The following HS3ST4 variants were observed in gnomAD, a reference collection of about 807,000 sequenced individuals.
The protein encoded by HS3ST4 is heparan sulfate-glucosamine 3-sulfotransferase 4.
Under a neutral mutation model 29.2 loss-of-function variants are expected in HS3ST4, and 17 were observed. The ratio of observed to expected loss-of-function variants is 0.58; its 90% CI spans 0.40 to 0.87. HS3ST4 has a LOEUF of 0.87. Ranked by LOEUF, HS3ST4 falls within the 40% of genes least tolerant of loss-of-function variation. The probability of loss-of-function intolerance (pLI) is 0.00; values close to 1 mark genes in which losing one functional copy is unlikely to be tolerated. For synonymous variants in HS3ST4, 314 were observed against 285.7 expected, an observed-to-expected ratio of 1.10 and a Z score of -1.00; for missense variants, 627 against 634.5, an observed-to-expected ratio of 0.99 and a Z score of 0.13.
intron 1 of HS3ST4, among the ~76,000 whole-genome samples, chr16:26,093,143 A>C (rs4474687): frequency 0.54 from 82,207 of 152,086 alleles, 22,965 homozygotes; most frequent in African/African-American, 0.67. Context: ...CCTCTGGACT[A>C]CACCTCTGTG....
rs1376985798 is a variant in HS3ST4 at position 25,994,067 on chromosome 16, A to T, written c.735-141545A>T. Among the ~76,000 whole-genome samples the T allele has an allele frequency of 8.0e-5, 12 of 150,610 alleles. 1 individual carries two copies. The Admixed American group carries it at 8.0e-4, about 10-fold the overall frequency. ...CCCTTCTTAGAAGAACACTTATCCCATCATGGGTAACCATCCCTCATGACC... is the reference window on the plus strand; with the variant it reads ...CCCTTCTTAGAAGAACACTTATCCCTTCATGGGTAACCATCCCTCATGACC... On this transcript the variant is annotated intron_variant, in intron 1 of 1. Transcript: ENST00000331351.
chr16:26,045,108 A>G (rs1054260668), intron 1 of HS3ST4, among the ~76,000 whole-genome samples: 30 of 152,162 alleles, frequency 2.0e-4, no homozygotes, highest in African/African-American at 7.2e-4. Context: ...ACAACTAGAG[A>G]GCCTGACATA....
intron 1 of HS3ST4, among the ~76,000 whole-genome samples, chr16:26,045,054 G>T (rs755060291): frequency 3.3e-5 from 5 of 152,136 alleles, no homozygotes; most frequent in Admixed American, 6.5e-5. Context: ...TGTGTAATTT[G>T]TATATCAACC....
intron 1 of HS3ST4, among the ~76,000 whole-genome samples, chr16:25,779,686 C>G (rs1341669887): frequency 1.3e-5 from 2 of 152,226 alleles, no homozygotes; most frequent in Non-Finnish European, 2.9e-5. Flanking sequence ...AGCAGGCACA[C>G]TTAAATCCTG....
At chr16:26,031,704 G>GGT (rs1567297830) in intron 1 of HS3ST4, among the ~76,000 whole-genome samples, 1 of 141,904 alleles carries the variant, frequency 7.0e-6, no homozygotes, top group Non-Finnish European at 1.5e-5. Flanking sequence ...ATGGAGGCGT[G>GGT]TTTTTTTTTT....
chr16:26,124,100 A>G (rs1051870555), intron 1 of HS3ST4, among the ~76,000 whole-genome samples: 2 of 152,058 alleles, frequency 1.3e-5, no homozygotes, highest in Non-Finnish European at 2.9e-5. Context: ...TTGTATTTTT[A>G]GTAGAGACGG....
At chr16:26,084,173 T>C (rs975762760) in intron 1 of HS3ST4, among the ~76,000 whole-genome samples, 5 of 152,192 alleles carry the variant, frequency 3.3e-5, no homozygotes, top group African/African-American at 4.8e-5. Context: ...CAGTCTCTCC[T>C]GAGCATTTCC....
At chr16:26,071,232 T>G (rs1400377597) in intron 1 of HS3ST4, among the ~76,000 whole-genome samples, 3 of 152,086 alleles carry the variant, frequency 2.0e-5, no homozygotes, top group Non-Finnish European at 2.9e-5. Flanking sequence ...GAACCCACTA[T>G]GAAAACATCC....
chr16:26,006,545 A>C (rs149739078), intron 1 of HS3ST4, among the ~76,000 whole-genome samples: 2 of 152,238 alleles, frequency 1.3e-5, no homozygotes, highest in Non-Finnish European at 2.9e-5. Flanking sequence ...CTATTATTCA[A>C]ATAAGCCTTC....
chr16:25,806,234 G>A (rs1263224424), intron 1 of HS3ST4, among the ~76,000 whole-genome samples: 2 of 152,142 alleles, frequency 1.3e-5, no homozygotes, highest in Non-Finnish European at 2.9e-5. Context: ...TAAGTAGATG[G>A]CACTCTTTTG....
At chr16:25,987,305 C>G (rs542432011) in intron 1 of HS3ST4, among the ~76,000 whole-genome samples, 1 of 151,538 alleles carries the variant, frequency 6.6e-6, no homozygotes, top group African/African-American at 2.4e-5. Flanking sequence ...GCTGAGATCA[C>G]GCCATTGCAG....
chr16:26,108,070 A>T (rs1899080263), intron 1 of HS3ST4, among the ~76,000 whole-genome samples: 1 of 152,172 alleles, frequency 6.6e-6, no homozygotes. Context: ...TCACATCAGC[A>T]GTGTATAAGC....
chr16:26,134,362 C>CTTTTTTTTTTTTT (rs60068546), intron 1 of HS3ST4, among the ~76,000 whole-genome samples: 2 of 76,810 alleles, frequency 2.6e-5, no homozygotes, highest in African/African-American at 4.7e-5. Context: ...CTTTTCTTTT[C>CTTTTTTTTTTTTT]TTTTTTTTTT....
chr16:26,056,046 G>C (rs199553288), intron 1 of HS3ST4, among the ~76,000 whole-genome samples: 5 of 11,180 alleles, frequency 4.5e-4, no homozygotes, highest in African/African-American at 1.9e-3. Context: ...GAGACAGAGA[G>C]AGAGAGAGAG....
chr16:25,747,512 C>A (rs1412969990), intron 1 of HS3ST4, among the ~76,000 whole-genome samples: 1 of 152,246 alleles, frequency 6.6e-6, no homozygotes, highest in Non-Finnish European at 1.5e-5. Flanking sequence ...GTAACAGCTA[C>A]CCTCACTGGC....
chr16:25,826,662 A>G (rs556703016), intron 1 of HS3ST4, among the ~76,000 whole-genome samples: 50 of 152,284 alleles, frequency 3.3e-4, no homozygotes, highest in African/African-American at 1.1e-3. Context: ...AAAAAGGAAG[A>G]TAGTCTAGGA....
intron 1 of HS3ST4, among the ~76,000 whole-genome samples, chr16:25,940,907 A>G (rs1039846153): frequency 3.3e-5 from 5 of 152,132 alleles, no homozygotes; most frequent in African/African-American, 1.2e-4. Flanking sequence ...GGAAAATCCA[A>G]CCAATGGTTT....
intron 1 of HS3ST4, among the ~76,000 whole-genome samples, chr16:26,041,908 C>T (rs534482283): frequency 8.5e-5 from 13 of 152,248 alleles, no homozygotes; most frequent in South Asian, 4.1e-4. Flanking sequence ...AATCCTTGCC[C>T]GATCTCGGGA....
At chr16:25,920,604 C>G (rs996686263) in intron 1 of HS3ST4, among the ~76,000 whole-genome samples, 3 of 149,992 alleles carry the variant, frequency 2.0e-5, no homozygotes, top group African/African-American at 7.4e-5. Flanking sequence ...CCGCCCCCAC[C>G]CCTCTTTTTT....
Sources: allele counts gnomAD v4.1 joint callset (sites outside exome capture counted in the v4.1 genomes callset), GRCh38; gene constraint gnomAD v4.1.1; transcripts MANE v1.5; gene names NCBI Gene and HGNC (gene_info 2026-07-23, HGNC 2026-07-21).